Variants in SHOX observed in about 807,000 individuals in gnomAD.
SHOX encodes the protein short stature homeobox protein.
Under a neutral mutation model 29.6 loss-of-function variants are expected in SHOX, and 12 were observed. The observed-to-expected ratio is 0.41, with a 90% CI of 0.26 to 0.66. The LOEUF (loss-of-function observed/expected upper bound fraction) is 0.66. SHOX is among the 30% of genes least tolerant of loss of function. The pLI is 0.35. For missense variants in SHOX, 499 were observed against 437.7 expected (o/e 1.14, Z -1.25); for synonymous variants, 214 against 200.6 (o/e 1.07, Z -0.57).
At chrX:631,757 C>T in intron 1 of SHOX, 1 of 390,828 alleles carries the variant, frequency 2.6e-6, no homozygotes, top group South Asian at 1.8e-5. Context: ...GTCTCGAACT[C>T]CTGACCTCAG....
intron 2 of SHOX, among the ~76,000 whole-genome samples, chrX:637,032 A>G (rs1006751658): frequency 1.6e-4 from 24 of 150,352 alleles, no homozygotes; most frequent in Non-Finnish European, 2.9e-4. Flanking sequence ...CTTCCCTAAG[A>G]TCGTTAGGAT....
At chrX:628,495 ATCTC>A (rs2052584771), upstream of SHOX, among the ~76,000 whole-genome samples, 1 of 49,978 alleles carries the variant, frequency 2.0e-5, no homozygotes. Context: ...CTCTCTCTCC[ATCTC>A]TCTCTGTCTC....
chrX:635,397 T>C (rs1184930468), intron 2 of SHOX, among the ~76,000 whole-genome samples: 2 of 152,190 alleles, frequency 1.3e-5, no homozygotes, highest in Admixed American at 6.5e-5. Context: ...GAGAGGGGTG[T>C]CCTCTGTCCC....
At chrX:637,236 T>C (rs935376297) in intron 2 of SHOX, among the ~76,000 whole-genome samples, 12 of 152,072 alleles carry the variant, frequency 7.9e-5, no homozygotes, top group African/African-American at 2.9e-4. Flanking sequence ...AGAAGATGGA[T>C]TGGGCTGCCC....
At chrX:630,759 C>A (rs1480784681), upstream of SHOX, 6 of 1,104,424 alleles carry the variant, frequency 5.4e-6, no homozygotes, top group South Asian at 1.4e-5. Flanking sequence ...GAGGTCGCCG[C>A]GTATAAATAG....
chrX:650,805 A>AAAAAAC lies in SHOX; in HGVS notation c.*6174_*6175insCAAAAA, dbSNP rs2053046388. On this transcript the variant is annotated 3_prime_UTR_variant, in exon 5 of 5. Coordinates refer to ENST00000686671, the MANE Select transcript of SHOX (RefSeq NM_000451.4). ...CACGTTTGACATTAAAAAAAAAAAA[A>AAAAAAC]AAAAAAAAAAAAAACTGGTGCCTAA... Among the ~76,000 whole-genome samples the AAAAAAC allele has an allele frequency of 6.8e-6, 1 of 146,114 alleles. No homozygotes were observed. Among genetic ancestry groups the AAAAAAC allele is most frequent in the Non-Finnish European group, 1.5e-5 (1 of 66,324 alleles).
intron 2 of SHOX, among the ~76,000 whole-genome samples, chrX:637,051 C>T (rs372972624): frequency 6.6e-6 from 1 of 151,218 alleles, no homozygotes; most frequent in African/African-American, 2.4e-5. Context: ...ATTAAATCAA[C>T]CCTCCCCAGG....
rs1269908149 is a variant in SHOX, at chrX:630,836, C to T, written c.-62C>T. The T allele has an allele frequency of 6.2e-7, 1 of 1,601,368 alleles. No homozygotes were observed. The highest frequency in any genetic ancestry group is 8.5e-7 in the Non-Finnish European group (1 of 1,171,554). Reference sequence around the variant, plus strand: ...TCCACCCGCGCGCACGGGCCGTCCTCTCCGCGCGGGGAGACGCGCGCATCC... The same window carrying T: ...TCCACCCGCGCGCACGGGCCGTCCTTTCCGCGCGGGGAGACGCGCGCATCC... On this transcript the variant is annotated 5_prime_UTR_variant, in exon 1 of 5. Transcript: ENST00000686671.
Position 631,147 on chromosome X carries a change from G to A in SHOX, c.250G>A (p.Glu84Lys). 1 of 1,613,290 alleles carries A rather than the reference G, an allele frequency of 6.2e-7. No individual in the cohort carries two copies. Among genetic ancestry groups the A allele is most frequent in the Non-Finnish European group, 8.5e-7 (1 of 1,179,860 alleles). Reference protein sequence around the residue: ...HVDNDKEKLKEFGTARVAEGI... With the variant: ...HVDNDKEKLKKFGTARVAEGI... Reference sequence around the variant, plus strand: ...AGACAATGACAAGGAGAAACTGAAAGAATTCGGCACCGCGAGAGTGGCAGA... The same window carrying A: ...AGACAATGACAAGGAGAAACTGAAAAAATTCGGCACCGCGAGAGTGGCAGA... Residue 84 changes from glutamate to lysine, a missense_variant, in exon 1 of 5, where the codon GAA becomes AAA. Transcript: ENST00000686671.
chrX:649,314 C>A lies in SHOX; in HGVS notation c.*4678C>A, dbSNP rs756220454. On this transcript the variant is annotated 3_prime_UTR_variant, in exon 5 of 5. Coordinates refer to ENST00000686671, the MANE Select transcript of SHOX (RefSeq NM_000451.4). Reference sequence around the variant, plus strand: ...TCAGCCTCCCAGAGTGCTGGGATTACGGGGTGAGGCACCGCGCCCGGCCTC... The same window carrying A: ...TCAGCCTCCCAGAGTGCTGGGATTAAGGGGTGAGGCACCGCGCCCGGCCTC... Among the ~76,000 whole-genome samples, 1 of 152,086 alleles carries A rather than the reference C, an allele frequency of 6.6e-6. No individual in the cohort carries two copies.
In SHOX at chrX:644,360, C is replaced by T. The variant is rs1165773939; in HGVS notation, c.634-31C>T. ...AGCAGGCCCCCCAGTCCCCATCCTG[C>T]GCCCTCACCCCGCCGGGTCCGCTCC... On this transcript the variant is annotated intron_variant, in intron 4 of 4. Transcript: ENST00000686671. 10 of 1,512,354 alleles carry T rather than the reference C, an allele frequency of 6.6e-6. No homozygotes were observed. In the African/African-American group the frequency reaches 1.3e-4, roughly 19 times the overall value. The allele number at this position is 1,512,354 out of a possible 1,614,324, so 93.7% of individuals were successfully genotyped here. A position where few individuals can be genotyped will look rare whatever the true frequency, so the allele number is the denominator to read the frequency against.
intron 2 of SHOX, among the ~76,000 whole-genome samples, chrX:639,376 G>A (rs1469553091): frequency 1.4e-5 from 2 of 142,966 alleles, no homozygotes; most frequent in African/African-American, 3.0e-5. Flanking sequence ...CAGGGCTTCC[G>A]AGGAGGCCGA....
At chrX:634,580 CCCCGGCCTCAG>C in intron 1 of SHOX, 27 bp from the exon 2 acceptor site, 1 of 1,607,836 alleles carries the variant, frequency 6.2e-7, no homozygotes, top group Non-Finnish European at 8.5e-7. Context: ...CGCAAAACCT[CCCCGGCCTCAG>C]CCCTGTGCCC....
chrX:624,909 C>CTCT (rs2052486377), intron 1 of SHOX, among the ~76,000 whole-genome samples: 2 of 38,896 alleles, frequency 5.1e-5, no homozygotes, highest in African/African-American at 1.1e-4. Flanking sequence ...TTTCTCTCTT[C>CTCT]CTTTCTTTCT....
rs770914372 is a variant in SHOX, at chrX:631,155, C to A, written c.258C>A (p.Gly86=). ...ACAAGGAGAAACTGAAAGAATTCGGCACCGCGAGAGTGGCAGAAGGTAAGT... is the reference window on the plus strand; with the variant it reads ...ACAAGGAGAAACTGAAAGAATTCGGAACCGCGAGAGTGGCAGAAGGTAAGT... ...DNDKEKLKEF[G]TARVAEGIYE... The change falls in exon 1 of 5, where the codon GGC becomes GGA. Residue 86 remains glycine, a synonymous_variant. Transcript: ENST00000686671. 3 of 1,613,024 alleles carry A rather than the reference C, an allele frequency of 1.9e-6. No homozygotes were observed. Among genetic ancestry groups the A allele is most frequent in the Non-Finnish European group, 2.5e-6 (3 of 1,179,748 alleles).
At position 650,654 on chromosome X, in the gene SHOX, C is replaced by T. The variant is rs952766418; in HGVS notation, c.*6018C>T. On this transcript the variant is annotated 3_prime_UTR_variant, in exon 5 of 5. Transcript: ENST00000686671. ...GCTCCCTTTAGCTCCACAGTTTTCC[C>T]GGGGACATAGCGAGGATGGCACACG... 6.6e-5 allele frequency among the ~76,000 whole-genome samples: 10 copies of T among 151,528 alleles called. No homozygotes were observed. In the East Asian group the frequency reaches 9.8e-4, roughly 15 times the overall value.
At chrX:636,945 AAAATAT>A (rs1047848665) in intron 2 of SHOX, among the ~76,000 whole-genome samples, 632 of 51,262 alleles carry the variant, frequency 0.012, 24 homozygotes, top group African/African-American at 0.031. Context: ...CTTTCATTTA[AAAATAT>A]ATATATATAT....
chrX:648,889 C>CTCCTTCCT lies in SHOX; in HGVS notation c.*4267_*4274dup, dbSNP rs372634110. On this transcript the variant is annotated 3_prime_UTR_variant, in exon 5 of 5. Transcript: ENST00000686671. ...ACCAACGCCCTCTTCTCTCTCCCTT[C>CTCCTTCCT]TCCTTCCTTCCTTCCTTCCTTTCTT... Among the ~76,000 whole-genome samples, 2,795 of 141,950 alleles carry CTCCTTCCT rather than the reference C, an allele frequency of 0.02. 45 individuals carry two copies. The highest frequency in any genetic ancestry group is 0.035 in the African/African-American group (1,315 of 37,710). The allele number at this position is 141,950 out of a possible 152,430, so 93.1% of individuals were successfully genotyped here. A position where few individuals can be genotyped will look rare whatever the true frequency, so the allele number is the denominator to read the frequency against.
At chrX:635,734 G>C (rs1380070039) in intron 2 of SHOX, among the ~76,000 whole-genome samples, 1 of 152,112 alleles carries the variant, frequency 6.6e-6, no homozygotes, top group Non-Finnish European at 1.5e-5. Context: ...TTTATTTCAG[G>C]GGTGCTGCTG....
Sources: gnomAD v4.1 joint callset for allele counts (sites outside exome capture counted in the v4.1 genomes callset) on GRCh38, gnomAD v4.1.1 for gene constraint, MANE v1.5 for transcripts, NCBI Gene and HGNC (gene_info 2026-07-23, HGNC 2026-07-21) for gene names.